The following CD1B variants were observed in gnomAD, a reference collection of about 807,000 sequenced individuals.
CD1B encodes T-cell surface glycoprotein CD1b.
Under a neutral mutation model 39.8 loss-of-function variants are expected in CD1B, and 43 were observed. The ratio of observed to expected loss-of-function variants is 1.08; its 90% CI spans 0.85 to 1.39. The LOEUF (loss-of-function observed/expected upper bound fraction) is 1.39. Ranked by LOEUF, CD1B falls within the 40% of genes most tolerant of loss-of-function variation. The probability of loss-of-function intolerance (pLI) is 0.00; values close to 1 mark genes in which losing one functional copy is unlikely to be tolerated. For synonymous variants in CD1B, 192 were observed against 152.5 expected (o/e 1.26, Z -1.91); for missense variants, 495 against 403.8 (o/e 1.23, Z -1.94).
chr1:158,308,708 C>G, the CD1B span, among the ~76,000 whole-genome samples: 131 of 152,258 alleles, frequency 8.6e-4, no homozygotes, highest in African/African-American at 3.0e-3. Flanking sequence ...TTTGACAAAG[C>G]TGACAAAAAC....
chr1:158,304,633 G>A, the CD1B span, among the ~76,000 whole-genome samples: 7 of 152,172 alleles, frequency 4.6e-5, no homozygotes, highest in Non-Finnish European at 1.0e-4. Flanking sequence ...AATGGACAGA[G>A]TGACTCCTCA....
At chr1:158,328,356 C>A in intron 5 of CD1B, 99 bp from the exon 6 acceptor site, 3 of 920,502 alleles carry the variant, frequency 3.3e-6, no homozygotes, top group Non-Finnish European at 5.2e-6. Context: ...TGAAAGCAAC[C>A]CAAGTGTCCA....
chr1:158,328,941 T>G lies in CD1B; in HGVS notation c.960A>C (p.Ala320=). The G allele has an allele frequency of 6.2e-7, 1 of 1,612,538 alleles. No homozygotes were observed. Among genetic ancestry groups the G allele is most frequent in the Non-Finnish European group, 8.5e-7 (1 of 1,179,562 alleles). ...VPSLLLLLCL[A]LWYMRRRSYQ... is the part of the protein sequence containing the mutation. ...CTCACCGGCGCCTCATATACCATAA[T>G]GCAAGGCATAGCAAAAGGAGCAAGG... The change falls in exon 5 of 6, where the codon GCA becomes GCC. Residue 320 remains alanine (A), a synonymous_variant. Coordinates refer to ENST00000368168, the MANE Select transcript of CD1B (RefSeq NM_001764.3).
the CD1B span, among the ~76,000 whole-genome samples, chr1:158,297,949 C>CAAAAAAAAAAA: frequency 7.7e-6 from 1 of 129,398 alleles, no homozygotes; most frequent in African/African-American, 2.7e-5. Context: ...TTAAAAAAGA[C>CAAAAAAAAAAA]AAAAAAAAAA....
chr1:158,306,647 G>A, the CD1B span, among the ~76,000 whole-genome samples: 14 of 152,106 alleles, frequency 9.2e-5, no homozygotes, highest in East Asian at 5.8e-4. Context: ...GCACCACACC[G>A]CACTTATTCC....
At position 158,329,422 on chromosome 1, in the gene CD1B, G is replaced by A. The variant is rs1314932186; in HGVS notation, c.834C>T (p.Ser278=). 2 of 1,614,052 alleles carry A rather than the reference G, an allele frequency of 1.2e-6. No homozygotes were observed. The highest frequency in any genetic ancestry group is 3.3e-5 in the Admixed American group (2 of 60,000). The part of the protein sequence containing the change: ...DVADGEAAGL[S]CRVKHSSLEG... ...CTAAACTGCTGTGCTTCACCCGACAGGACAGGCCAGCCGCCTCCCCATCTG... is the reference window on the plus strand; with the variant it reads ...CTAAACTGCTGTGCTTCACCCGACAAGACAGGCCAGCCGCCTCCCCATCTG... Residue 278 remains serine, a synonymous_variant, in exon 4 of 6, where the codon TCC becomes TCT. Transcript: ENST00000368168.
chr1:158,317,072 G>C, the CD1B span, among the ~76,000 whole-genome samples: 1 of 152,018 alleles, frequency 6.6e-6, no homozygotes, highest in Non-Finnish European at 1.5e-5. Flanking sequence ...GTATTTTATT[G>C]AGGATTTTTG....
the CD1B span, chr1:158,293,481 CT>C: frequency 6.2e-7 from 1 of 1,614,140 alleles, no homozygotes; most frequent in Non-Finnish European, 8.5e-7. Flanking sequence ...CTGTGAGACT[CT>C]TCCCCCTGAC....
the CD1B span, among the ~76,000 whole-genome samples, chr1:158,322,851 T>C: frequency 6.6e-6 from 1 of 152,342 alleles, no homozygotes; most frequent in South Asian, 2.1e-4. Context: ...AGGTTTCTGC[T>C]GAAAAGTCTG....
chr1:158,329,301 C>T (rs998706906), intron 4 of CD1B, 69 bp downstream of exon 4: 4 of 1,540,514 alleles, frequency 2.6e-6, no homozygotes, highest in African/African-American at 1.4e-5. Context: ...CTATCCTTCC[C>T]CAGTGCCTCC....
the CD1B span, among the ~76,000 whole-genome samples, chr1:158,297,937 C>A: frequency 0.38 from 55,350 of 144,216 alleles, 12,404 homozygotes; most frequent in African/African-American, 0.63. Context: ...CCCTGTCTCA[C>A]GTTAAAAAAG....
chr1:158,330,888 T>G lies in CD1B; in HGVS notation c.236A>C (p.Lys79Thr), dbSNP rs759848554. Residue 79 changes from lysine to threonine, a missense_variant, in exon 2 of 6, where the codon AAG becomes ACG. Coordinates refer to ENST00000368168, the MANE Select transcript of CD1B (RefSeq NM_001764.3). ...TATCTCCTCTAACTCAGCAACCTCCTTATCACTAAAGTTACCTTTAGACCA... is the reference window on the plus strand; with the variant it reads ...TATCTCCTCTAACTCAGCAACCTCCGTATCACTAAAGTTACCTTTAGACCA... ...KPWSKGNFSDKEVAELEEIFR... is the reference protein window; with the variant it reads ...KPWSKGNFSDTEVAELEEIFR... 4 of 1,613,922 alleles carry G rather than the reference T, an allele frequency of 2.5e-6. No individual in the cohort carries two copies. Among genetic ancestry groups the G allele is most frequent in the Non-Finnish European group, 2.5e-6 (3 of 1,179,880 alleles).
At chr1:158,298,640 T>C in the CD1B span, among the ~76,000 whole-genome samples, 2 of 152,206 alleles carry the variant, frequency 1.3e-5, no homozygotes, top group African/African-American at 2.4e-5. Context: ...ATTCTTCCTA[T>C]CGATGAGCAT....
At chr1:158,314,971 A>G in the CD1B span, among the ~76,000 whole-genome samples, 10 of 147,592 alleles carry the variant, frequency 6.8e-5, no homozygotes, top group Non-Finnish European at 1.3e-4. Context: ...CCATGTCCCT[A>G]CAAAGGACAT....
intron 4 of CD1B, 98 bp downstream of exon 4, chr1:158,329,272 C>T (rs1652484572): frequency 1.4e-6 from 2 of 1,410,988 alleles, no homozygotes; most frequent in South Asian, 1.3e-5. Context: ...CAATCTCTCC[C>T]TCTTTCATCT....
the CD1B span, among the ~76,000 whole-genome samples, chr1:158,299,279 GT>G: frequency 5.3e-5 from 8 of 152,090 alleles, no homozygotes; most frequent in Non-Finnish European, 8.8e-5. Context: ...TAATGATGTG[GT>G]TTTTTTCTTT....
chr1:158,293,869 C>T, the CD1B span, among the ~76,000 whole-genome samples: 1 of 152,160 alleles, frequency 6.6e-6, no homozygotes, highest in Non-Finnish European at 1.5e-5. Flanking sequence ...ATGATAGGCT[C>T]AGTGAAACAC....
At chr1:158,291,380 C>T in the CD1B span, 1 of 1,613,978 alleles carries the variant, frequency 6.2e-7, no homozygotes, top group East Asian at 2.2e-5. Flanking sequence ...CAAGACCATG[C>T]AAGTCAAGAT....
chr1:158,288,687 C>T, the CD1B span, among the ~76,000 whole-genome samples: 1 of 152,224 alleles, frequency 6.6e-6, no homozygotes, highest in Non-Finnish European at 1.5e-5. Context: ...GTCATTGTGC[C>T]TAGCACAAAT....
Sources: gnomAD v4.1 joint callset for allele counts (sites outside exome capture counted in the v4.1 genomes callset) on GRCh38, gnomAD v4.1.1 for gene constraint, MANE v1.5 for transcripts, NCBI Gene and HGNC (gene_info 2026-07-23, HGNC 2026-07-21) for gene names.